KCND2: variants seen among roughly 807,000 people sequenced by gnomAD.
KCND2 encodes potassium voltage-gated channel subfamily D member 2.
In KCND2, 16 loss-of-function variants were observed where a neutral mutation model predicts 54.4. The ratio of observed to expected loss-of-function variants is 0.29; its 90% confidence interval spans 0.20 to 0.45. The LOEUF (loss-of-function observed/expected upper bound fraction) is 0.45, where lower values mean the gene tolerates loss of function less well. Among genes scored for constraint, KCND2 ranks in the 20% least tolerant of loss-of-function variants. The pLI is 1.00. For synonymous variants in KCND2, 317 were observed against 310.7 expected (o/e 1.02, Z -0.21); for missense variants, 486 against 824.2 (o/e 0.59, Z 5.02).
chr7:120,291,652 G>A (rs141392305), intron 1 of KCND2, among the ~76,000 whole-genome samples: 1 of 152,002 alleles, frequency 6.6e-6, no homozygotes, highest in Non-Finnish European at 1.5e-5. Context: ...ATTAAGTTAT[G>A]TGCAGATCTG....
At chr7:120,441,790 A>G (rs1801948599) in intron 1 of KCND2, among the ~76,000 whole-genome samples, 1 of 152,116 alleles carries the variant, frequency 6.6e-6, no homozygotes, top group African/African-American at 2.4e-5. Context: ...TCGGAGATAA[A>G]GAATGTGCTT....
At chr7:120,301,379 C>T (rs1180170412) in intron 1 of KCND2, among the ~76,000 whole-genome samples, 1 of 152,090 alleles carries the variant, frequency 6.6e-6, no homozygotes, top group African/African-American at 2.4e-5. Context: ...CCTCAGTAAA[C>T]AAATGAAGTA....
chr7:120,477,747 G>A lies in KCND2; in HGVS notation c.1115+202000G>A, dbSNP rs538170318. Among the ~76,000 whole-genome samples the A allele has an allele frequency of 9.2e-5, 14 of 152,272 alleles. No individual in the cohort carries two copies. In the South Asian group the frequency reaches 1.9e-3, roughly 20 times the overall value. On this transcript the variant is annotated intron_variant, in intron 1 of 5. Coordinates refer to ENST00000331113, the MANE Select transcript of KCND2 (RefSeq NM_012281.3). ...CAAGCATGCTACACAAATTGGGACA[G>A]TATTTATCTGAACTTGAGTTGACTG...
At chr7:120,425,089 G>A (rs190358239) in intron 1 of KCND2, among the ~76,000 whole-genome samples, 20 of 152,174 alleles carry the variant, frequency 1.3e-4, no homozygotes, top group Admixed American at 3.3e-4. Flanking sequence ...TGCATAATTC[G>A]TTTACTTTGT....
chr7:120,442,220 G>A (rs1419261608), intron 1 of KCND2, among the ~76,000 whole-genome samples: 1 of 152,054 alleles, frequency 6.6e-6, no homozygotes, highest in African/African-American at 2.4e-5. Flanking sequence ...AAAGCTTTAT[G>A]GTCTGGAATC....
chr7:120,498,341 G>A (rs1802879738), intron 1 of KCND2, among the ~76,000 whole-genome samples: 1 of 152,068 alleles, frequency 6.6e-6, no homozygotes, highest in Non-Finnish European at 1.5e-5. Flanking sequence ...TTAGCTAGGT[G>A]TGGTGGCATG....
chr7:120,410,053 G>A (rs1801424305), intron 1 of KCND2, among the ~76,000 whole-genome samples: 1 of 151,624 alleles, frequency 6.6e-6, no homozygotes, highest in Non-Finnish European at 1.5e-5. Context: ...TTATTTTTAT[G>A]TGATATGAGA....
At chr7:120,617,210 A>G (rs146569376) in intron 1 of KCND2, among the ~76,000 whole-genome samples, 2 of 152,302 alleles carry the variant, frequency 1.3e-5, no homozygotes, top group East Asian at 3.9e-4. Flanking sequence ...ATTCCTCTGG[A>G]TGACATTCAA....
At chr7:120,344,750 C>G (rs1184332773) in intron 1 of KCND2, among the ~76,000 whole-genome samples, 2 of 152,088 alleles carry the variant, frequency 1.3e-5, no homozygotes, top group Non-Finnish European at 2.9e-5. Flanking sequence ...CTTCACAGTT[C>G]TGATCTCTGA....
At chr7:120,738,689 T>C (rs577586506) in intron 2 of KCND2, among the ~76,000 whole-genome samples, 2 of 152,134 alleles carry the variant, frequency 1.3e-5, no homozygotes, top group South Asian at 4.1e-4. Flanking sequence ...GGGTCGGGGG[T>C]AAGAGACTGA....
At chr7:120,476,691 A>T (rs1401495866) in intron 1 of KCND2, among the ~76,000 whole-genome samples, 2 of 152,164 alleles carry the variant, frequency 1.3e-5, no homozygotes, top group African/African-American at 4.8e-5. Context: ...CCATAACCTC[A>T]CGAATTTCAT....
At chr7:120,550,203 AT>A (rs1792089467) in intron 1 of KCND2, among the ~76,000 whole-genome samples, 1 of 151,928 alleles carries the variant, frequency 6.6e-6, no homozygotes, top group Admixed American at 6.6e-5. Context: ...ACTGGAGTTA[AT>A]TTTCTCTTCT....
At chr7:120,456,956 G>A (rs1204229929) in intron 1 of KCND2, among the ~76,000 whole-genome samples, 2 of 152,200 alleles carry the variant, frequency 1.3e-5, no homozygotes, top group African/African-American at 4.8e-5. Context: ...TCTAGATGGA[G>A]GTTCCACAAC....
chr7:120,299,447 G>C (rs1452203653), intron 1 of KCND2, among the ~76,000 whole-genome samples: 2 of 152,022 alleles, frequency 1.3e-5, no homozygotes, highest in Non-Finnish European at 2.9e-5. Flanking sequence ...TCACTACCTT[G>C]TTCTTTTAAT....
intron 1 of KCND2, among the ~76,000 whole-genome samples, chr7:120,506,082 C>T (rs1373054627): frequency 1.3e-5 from 2 of 151,360 alleles, no homozygotes; most frequent in South Asian, 2.1e-4. Flanking sequence ...ACAATCTTAC[C>T]TTCCTTTTCA....
intron 1 of KCND2, among the ~76,000 whole-genome samples, chr7:120,585,881 T>A (rs1471085818): frequency 6.6e-6 from 1 of 152,168 alleles, no homozygotes; most frequent in Non-Finnish European, 1.5e-5. Context: ...TGAGCCACCA[T>A]TGTCTATTCA....
chr7:120,297,584 C>T (rs1043398494), intron 1 of KCND2, among the ~76,000 whole-genome samples: 2 of 152,008 alleles, frequency 1.3e-5, no homozygotes, highest in African/African-American at 4.8e-5. Flanking sequence ...AGTGGGATTG[C>T]TAGATGGAAT....
intron 1 of KCND2, among the ~76,000 whole-genome samples, chr7:120,672,207 A>G (rs1409680629): frequency 6.6e-6 from 1 of 151,700 alleles, no homozygotes; most frequent in Non-Finnish European, 1.5e-5. Flanking sequence ...GACTCCTGTT[A>G]CTCCTTCCTT....
intron 1 of KCND2, among the ~76,000 whole-genome samples, chr7:120,462,475 AC>A (rs2116242000): frequency 6.6e-6 from 1 of 152,178 alleles, no homozygotes; most frequent in East Asian, 1.9e-4. Flanking sequence ...ATTAAAGAGC[AC>A]AGATATTGAA....
Sources: gnomAD v4.1 joint callset for allele counts (sites outside exome capture counted in the v4.1 genomes callset) on GRCh38, gnomAD v4.1.1 for gene constraint, MANE v1.5 for transcripts, NCBI Gene and HGNC (gene_info 2026-07-23, HGNC 2026-07-21) for gene names.